Variants in TMEM232 observed in about 807,000 individuals in gnomAD.
TMEM232 encodes transmembrane protein 232.
In TMEM232, 80 loss-of-function variants were observed where a neutral mutation model predicts 78.8. The ratio of observed to expected loss-of-function variants is 1.01; its 90% confidence interval spans 0.85 to 1.22. The LOEUF is 1.22. Ranked by LOEUF, TMEM232 falls within the 50% of genes most tolerant of loss-of-function variation. The pLI, the probability that TMEM232 is intolerant of heterozygous loss-of-function variation, is 0.00. For missense variants in TMEM232, 881 were observed against 742.2 expected (o/e 1.19, Z -2.17); for synonymous variants, 297 against 254.3 (o/e 1.17, Z -1.60).
At chr5:110,612,713 G>A (rs1199607467) in intron 8 of TMEM232, among the ~76,000 whole-genome samples, 1 of 152,154 alleles carries the variant, frequency 6.6e-6, no homozygotes, top group African/African-American at 2.4e-5. Context: ...CACTTATGGA[G>A]CATATTAAAT....
intron 12 of TMEM232, among the ~76,000 whole-genome samples, chr5:110,493,461 A>T (rs1580918533): frequency 1.3e-5 from 2 of 152,030 alleles, no homozygotes; most frequent in East Asian, 3.9e-4. Flanking sequence ...AAATGACATG[A>T]TATTAACATA....
At chr5:110,623,680 T>C (rs1302278699) in intron 7 of TMEM232, among the ~76,000 whole-genome samples, 1 of 152,126 alleles carries the variant, frequency 6.6e-6, no homozygotes, top group Admixed American at 6.6e-5. Context: ...TGAGTGCTGA[T>C]TAGCCAAATC....
In TMEM232 at chr5:110,633,880, C is replaced by A. The variant is rs577594017; in HGVS notation, c.501+4318G>T. 5.3e-5 allele frequency among the ~76,000 whole-genome samples: 8 copies of A among 152,146 alleles called. No homozygotes were observed. In the South Asian group the frequency reaches 1.5e-3, roughly 28 times the overall value. ...AATGTAAATGTAAACAGAATAAATT[C>A]TTCACTTAAAAGATATAGACTGGTT... On this transcript the variant is annotated intron_variant, in intron 5 of 13. Coordinates refer to ENST00000455884, the MANE Select transcript of TMEM232 (RefSeq NM_001039763.4).
chr5:110,628,765 A>T (rs1033276371), intron 5 of TMEM232: 2 of 151,916 alleles, frequency 1.3e-5, no homozygotes, highest in African/African-American at 2.4e-5. Flanking sequence ...AAAATAAAAT[A>T]AAATTAAAAA....
intron 12 of TMEM232, among the ~76,000 whole-genome samples, chr5:110,474,530 A>G (rs1432353472): frequency 6.6e-6 from 1 of 151,958 alleles, no homozygotes; most frequent in East Asian, 1.9e-4. Context: ...GATCACTTCT[A>G]TCTAACTATA....
intron 10 of TMEM232, among the ~76,000 whole-genome samples, chr5:110,592,429 G>A (rs1243719474): frequency 1.3e-5 from 2 of 152,068 alleles, no homozygotes; most frequent in African/African-American, 4.8e-5. Flanking sequence ...ACTATTTATG[G>A]CTTCTACAAG....
intron 1 of TMEM232, among the ~76,000 whole-genome samples, chr5:110,688,160 T>G (rs1417979491): frequency 1.3e-5 from 2 of 151,918 alleles, no homozygotes; most frequent in Non-Finnish European, 2.9e-5. Context: ...AGTTATTAAT[T>G]TATCCACAAA....
intron 7 of TMEM232, among the ~76,000 whole-genome samples, chr5:110,620,633 C>G (rs1460348242): frequency 1.1e-5 from 1 of 94,182 alleles, no homozygotes. Flanking sequence ...CTCTCTCTCT[C>G]TCTCTCCTCT....
chr5:110,535,622 C>A (rs1376232280), intron 11 of TMEM232, among the ~76,000 whole-genome samples: 1 of 151,842 alleles, frequency 6.6e-6, no homozygotes, highest in Non-Finnish European at 1.5e-5. Flanking sequence ...AAAAAGAGCT[C>A]CTCCTTTTTT....
At chr5:110,620,708 C>A (rs1400585486) in intron 7 of TMEM232, among the ~76,000 whole-genome samples, 1 of 148,192 alleles carries the variant, frequency 6.7e-6, no homozygotes, top group Non-Finnish European at 1.5e-5. Flanking sequence ...AAGTAATAAA[C>A]CCAATATGTC....
At chr5:110,505,627 C>G (rs1766793604) in intron 12 of TMEM232, among the ~76,000 whole-genome samples, 1 of 152,170 alleles carries the variant, frequency 6.6e-6, no homozygotes, top group Non-Finnish European at 1.5e-5. Flanking sequence ...ATGCCTCAGC[C>G]TCCCGAGCAG....
chr5:110,499,855 T>C (rs1003166014), intron 12 of TMEM232, among the ~76,000 whole-genome samples: 1 of 152,120 alleles, frequency 6.6e-6, no homozygotes, highest in Non-Finnish European at 1.5e-5. Context: ...ATATAGTCAA[T>C]ATAGAGAATA....
chr5:110,406,965 G>A (rs573066246), intron 2 of TMEM232, among the ~76,000 whole-genome samples: 6 of 151,690 alleles, frequency 4.0e-5, no homozygotes, highest in Non-Finnish European at 7.4e-5. Flanking sequence ...AAGCCCCATC[G>A]CAACCACAAT....
chr5:110,417,630 T>C (rs1401026978), downstream of TMEM232: 2 of 125,202 alleles, frequency 1.6e-5, no homozygotes, highest in African/African-American at 4.1e-5. Flanking sequence ...TTTTTTTTTT[T>C]TTTTTTTTGT....
chr5:110,590,786 A>G (rs1779417973), intron 10 of TMEM232, among the ~76,000 whole-genome samples: 1 of 152,178 alleles, frequency 6.6e-6, no homozygotes, highest in African/African-American at 2.4e-5. Context: ...ATGGCTAGGG[A>G]AGCCTCAGGA....
intron 12 of TMEM232, among the ~76,000 whole-genome samples, chr5:110,524,421 A>AAAG (rs1212771651): frequency 1.3e-4 from 17 of 126,232 alleles, no homozygotes; most frequent in East Asian, 4.7e-4. Flanking sequence ...GAAAGAAAAG[A>AAAG]AAAGAAAAGA....
At chr5:110,690,560 G>C (rs145100637) in intron 1 of TMEM232, among the ~76,000 whole-genome samples, 3 of 152,324 alleles carry the variant, frequency 2.0e-5, no homozygotes, top group African/African-American at 7.2e-5. Context: ...GTGGAAGACA[G>C]TGTAGTGATT....
chr5:110,607,757 C>CTGGTTA (rs761420740), intron 8 of TMEM232, among the ~76,000 whole-genome samples: 15 of 151,860 alleles, frequency 9.9e-5, no homozygotes, highest in Non-Finnish European at 2.1e-4. Flanking sequence ...TATTATTTTT[C>CTGGTTA]TGGTTAAGAA....
chr5:110,679,234 T>C (rs969951600), intron 1 of TMEM232, among the ~76,000 whole-genome samples: 1 of 152,326 alleles, frequency 6.6e-6, no homozygotes, highest in Admixed American at 6.5e-5. Context: ...ATAGTGTGTG[T>C]AGTATCTCAT....
Sources: gnomAD v4.1 joint callset for allele counts (sites outside exome capture counted in the v4.1 genomes callset) on GRCh38, gnomAD v4.1.1 for gene constraint, MANE v1.5 for transcripts, NCBI Gene and HGNC (gene_info 2026-07-23, HGNC 2026-07-21) for gene names.